Variants in TNS2 observed in about 807,000 individuals in gnomAD.
The protein encoded by TNS2 is tensin 2.
Under a neutral mutation model 155.7 loss-of-function variants are expected in TNS2, and 77 were observed. The observed-to-expected ratio is 0.49, with a 90% CI of 0.41 to 0.60. TNS2 has a LOEUF of 0.60. TNS2 is among the 20% of genes least tolerant of loss of function. The pLI is 0.00. For synonymous variants in TNS2, 726 were observed against 763.9 expected (o/e 0.95, Z 0.82); for missense variants, 1,703 against 1,868.8 (o/e 0.91, Z 1.64).
At chr12:53,058,138 G>T in intron 14 of TNS2, 36 bp downstream of exon 14, 1 of 1,613,970 alleles carries the variant, frequency 6.2e-7, no homozygotes, top group Non-Finnish European at 8.5e-7. Flanking sequence ...GAATCCTGGA[G>T]ATGGGGCAGG....
chr12:53,052,039 C>T, intron 2 of TNS2, 76 bp downstream of exon 2: 2 of 1,211,662 alleles, frequency 1.7e-6, no homozygotes, highest in Non-Finnish European at 2.4e-6. Flanking sequence ...CAGGCCAGCT[C>T]ACACAATCTC....
At chr12:53,052,215 C>T in intron 2 of TNS2, 2 of 618,378 alleles carry the variant, frequency 3.2e-6, no homozygotes, top group South Asian at 1.9e-5. Context: ...TCTTCCTTCC[C>T]TCTCTTCCTC....
Position 53,058,010 on chromosome 12 carries a change from C to T in TNS2, c.1020-17C>T, listed in dbSNP as rs1048848070. ...GGAGCTTCTGGTTCATCTCTGCCTT[C>T]TCCTCTCTCCCCACAGTCACATTGC... On this transcript the variant is annotated splice_polypyrimidine_tract_variant and intron_variant, in intron 13 of 28. Coordinates refer to ENST00000314250, the MANE Select transcript of TNS2 (RefSeq NM_170754.4). 3.7e-6 allele frequency: 6 copies of T among 1,614,038 alleles called. No homozygotes were observed. The highest frequency in any genetic ancestry group is 5.1e-6 in the Non-Finnish European group (6 of 1,180,026).
rs1944456491 is a variant in TNS2 at position 53,063,648 on chromosome 12, C to G, written c.4091+56C>G. 2 of 1,614,058 alleles carry G rather than the reference C, an allele frequency of 1.2e-6. No individual in the cohort carries two copies. Among genetic ancestry groups the G allele is most frequent in the African/African-American group, 1.3e-5 (1 of 74,948 alleles). ...TTCCAAGGGACCAGGGCGCTGCTGT[C>G]CTCTCAATGCTGGCATTTGATTTGT... On this transcript the variant is annotated intron_variant, in intron 28 of 28. Transcript: ENST00000314250. The surrounding 1 kb of genome is among the most constrained non-coding windows in gnomAD (Gnocchi z 5.6).
At chr12:53,052,248 C>A in intron 2 of TNS2, 1 of 667,858 alleles carries the variant, frequency 1.5e-6, no homozygotes, top group Non-Finnish European at 2.6e-6. Context: ...CACCCTGGAA[C>A]GTTACCCCTG....
chr12:53,049,129 G>A (rs748166589), upstream of TNS2: 2 of 1,540,454 alleles, frequency 1.3e-6, no homozygotes, highest in South Asian at 2.6e-5. Context: ...TTCCCAGGAG[G>A]GAGGCCGGAG....
chr12:53,057,227 A>G (rs994992585), intron 11 of TNS2, 131 bp downstream of exon 11: 8 of 986,588 alleles, frequency 8.1e-6, no homozygotes, highest in Non-Finnish European at 1.2e-5. Flanking sequence ...GAGAATTCAA[A>G]GTGGACAAAG....
chr12:53,054,177 C>T, intron 6 of TNS2, 93 bp from the exon 7 acceptor site: 2 of 1,579,840 alleles, frequency 1.3e-6, no homozygotes, highest in Non-Finnish European at 1.7e-6. Context: ...ACCCAGCAGG[C>T]TTCACCTGCT....
rs114172228 is a variant in TNS2 at position 53,060,121 on chromosome 12, G to A, written c.2480G>A (p.Arg827Gln). Residue 827 changes from arginine to glutamine, a missense_variant, in exon 18 of 29, where the codon CGG becomes CAG. Coordinates refer to ENST00000314250, the MANE Select transcript of TNS2 (RefSeq NM_170754.4). This position sits in a 1 kb window ranked among gnomAD's most constrained non-coding sequence, Gnocchi z 6.1. Reference protein sequence around the residue: ...GYPSPGAHSPRAGSISPGSPP... With the variant: ...GYPSPGAHSPQAGSISPGSPP... ...CCCAGCCCTGGTGCCCACTCCCCAC[G>A]GGCTGGCTCCATTTCCCCGGGCAGC... The A allele has an allele frequency of 5.4e-4, 874 of 1,610,816 alleles. 8 individuals carry two copies. In the African/African-American group the frequency reaches 9.9e-3, roughly 18 times the overall value.
Position 53,059,627 on chromosome 12 carries a change from C to G in TNS2, c.1986C>G (p.Ala662=), listed in dbSNP as rs772411448. The G allele has an allele frequency of 8.2e-5, 132 of 1,613,006 alleles. 2 individuals carry two copies. The South Asian group carries it at 1.4e-3, about 17-fold the overall frequency. ...YPYPPEMGKP[A]TGDFGYRAPG... ...ACCCACCTGAGATGGGGAAACCAGC[C>G]ACTGGGGACTTTGGCTACCGCGCCC... The change falls in exon 18 of 29, where the codon GCC becomes GCG. Residue 662 remains alanine (A), a synonymous_variant. Transcript: ENST00000314250. The surrounding 1 kb of genome is among the most constrained non-coding windows in gnomAD (Gnocchi z 4.7).
Position 53,058,996 on chromosome 12 carries a change from C to T in TNS2, c.1406-51C>T, listed in dbSNP as rs747789755. On this transcript the variant is annotated intron_variant, in intron 17 of 28. Coordinates refer to ENST00000314250, the MANE Select transcript of TNS2 (RefSeq NM_170754.4). ...ATCCCCTCTCATGAATTTTCTCTCT[C>T]CCTCCCTGTTCCCCGCTTGCCCTCC... 6.5e-6 allele frequency: 10 copies of T among 1,539,908 alleles called. No homozygotes were observed. In the Admixed American group the frequency reaches 1.7e-4, roughly 26 times the overall value.
chr12:53,062,014 G>GT, intron 22 of TNS2, 74 bp downstream of exon 22: 3 of 1,611,394 alleles, frequency 1.9e-6, no homozygotes, highest in Non-Finnish European at 2.5e-6. Flanking sequence ...AACAGGGCAG[G>GT]TGGGGGTGCT....
At position 53,060,406 on chromosome 12, in the gene TNS2, G is replaced by A. The variant is rs1460381293; in HGVS notation, c.2619G>A (p.Glu873=). ...LASAGPLASA[E]SLEPVSWREG... ...GCCCACCTCTCCCCTTCACTGCAGA[G>A]TCGCTGGAGCCGGTGTCCTGGAGGG... The change falls in exon 19 of 29, where the codon GAG becomes GAA. Residue 873 remains glutamate, a splice_region_variant and synonymous_variant. Coordinates refer to ENST00000314250, the MANE Select transcript of TNS2 (RefSeq NM_170754.4). This position sits in a 1 kb window ranked among gnomAD's most constrained non-coding sequence, Gnocchi z 6.1. 6.2e-7 allele frequency: 1 copy of A among 1,612,362 alleles called. No individual in the cohort carries two copies. The highest frequency in any genetic ancestry group is 1.3e-5 in the African/African-American group (1 of 75,018).
chr12:53,063,533 G>T lies in TNS2; in HGVS notation c.4062-30G>T. The T allele has an allele frequency of 6.2e-7, 1 of 1,613,236 alleles. No individual in the cohort carries two copies. Among genetic ancestry groups the T allele is most frequent in the Non-Finnish European group, 8.5e-7 (1 of 1,179,832 alleles). On this transcript the variant is annotated intron_variant, in intron 27 of 28. Coordinates refer to ENST00000314250, the MANE Select transcript of TNS2 (RefSeq NM_170754.4). The surrounding 1 kb of genome is among the most constrained non-coding windows in gnomAD (Gnocchi z 5.6). The stretch of plus-strand genomic sequence containing the variant: ...CCCTTCAGCAGCTGTCCCCTGGGGT[G>T]TGCATCTTCACCTTCTTCTCCTTCT...
chr12:53,049,120 T>A (rs377279189), upstream of TNS2: 127 of 1,532,506 alleles, frequency 8.3e-5, no homozygotes, highest in Non-Finnish European at 1.0e-4. Flanking sequence ...TTGGCCATGT[T>A]CCCAGGAGGG....
In TNS2 at chr12:53,059,162, C is replaced by G; in HGVS notation, c.1521C>G (p.Leu507=). ...CAGAGCCTCCACCACCCCCCATGCT[C>G]TCTGTCAGCAGCGACTCAGGCCATT... ...PSPEPPPPPM[L]SVSSDSGHSS... The change falls in exon 18 of 29, where the codon CTC becomes CTG. Residue 507 remains leucine (L), a synonymous_variant. Transcript: ENST00000314250. The surrounding 1 kb of genome is among the most constrained non-coding windows in gnomAD (Gnocchi z 4.7). The G allele has an allele frequency of 6.2e-7, 1 of 1,600,330 alleles. No individual in the cohort carries two copies. Among genetic ancestry groups the G allele is most frequent in the Non-Finnish European group, 8.5e-7 (1 of 1,177,366 alleles).
chr12:53,063,335 C>T lies in TNS2; in HGVS notation c.3993-14C>T. 6.2e-7 allele frequency: 1 copy of T among 1,614,012 alleles called. No homozygotes were observed. Among genetic ancestry groups the T allele is most frequent in the Non-Finnish European group, 8.5e-7 (1 of 1,179,954 alleles). On this transcript the variant is annotated splice_polypyrimidine_tract_variant and intron_variant, in intron 26 of 28. Transcript: ENST00000314250. This position sits in a 1 kb window ranked among gnomAD's most constrained non-coding sequence, Gnocchi z 5.6. ...TGTTTCTGAGTGTGACCTTCCTCAC[C>T]CTCCTCCTTGCAGGCTCTTCTTTCG...
At position 53,059,043 on chromosome 12, in the gene TNS2, T is replaced by C; in HGVS notation, c.1406-4T>C. 6.5e-7 allele frequency: 1 copy of C among 1,533,586 alleles called. No homozygotes were observed. 95.0% of individuals were successfully genotyped at this position (1,533,586 alleles called of 1,614,324 possible). ...CTCCCTCCCTGATCCTCTTCCCCAC[T>C]CAGGCTCCTTGACCCACACCCGGGG... On this transcript the variant is annotated splice_region_variant and splice_polypyrimidine_tract_variant and intron_variant, in intron 17 of 28. Coordinates refer to ENST00000314250, the MANE Select transcript of TNS2 (RefSeq NM_170754.4). The surrounding 1 kb of genome is among the most constrained non-coding windows in gnomAD (Gnocchi z 4.7).
chr12:53,056,891 C>T, intron 10 of TNS2, 122 bp from the exon 11 acceptor site: 1 of 890,388 alleles, frequency 1.1e-6, no homozygotes, highest in Non-Finnish European at 1.7e-6. Flanking sequence ...CTCATTACCA[C>T]TACTCTGGGC....
Sources: gnomAD v4.1 joint callset for allele counts on GRCh38, gnomAD v4.1.1 for gene constraint, Gnocchi (gnomAD v3.1) non-coding constraint, MANE v1.5 for transcripts, NCBI Gene and HGNC (gene_info 2026-07-23, HGNC 2026-07-21) for gene names.